ZNF43: variants seen among roughly 807,000 people sequenced by gnomAD.
The protein encoded by ZNF43 is zinc finger protein 39-like 1 (KOX 27).
Under a neutral mutation model 68.4 loss-of-function variants are expected in ZNF43, and 44 were observed. That is an observed-to-expected ratio of 0.64 (90% CI 0.51 to 0.83). ZNF43 has a LOEUF of 0.83. Ranked by LOEUF, ZNF43 falls within the 40% of genes least tolerant of loss-of-function variation. ZNF43 has a pLI of 0.00. For synonymous variants in ZNF43, 308 were observed against 307.8 expected (o/e 1.00, Z -0.01); for missense variants, 896 against 933.2 (o/e 0.96, Z 0.52).
chr19:21,827,137 A>G (rs534943674), intron 1 of ZNF43: 4 of 152,282 alleles, frequency 2.6e-5, no homozygotes, highest in Admixed American at 6.5e-5. Context: ...TCAGCACAAG[A>G]AACATGAGCA....
exon 1 of ZNF43, chr19:21,852,001 G>T (rs1223010881): frequency 2.7e-6 from 4 of 1,501,410 alleles, no homozygotes; most frequent in Admixed American, 2.0e-5. Flanking sequence ...AGTCACCGGG[G>T]ATTCCCGAGT....
At position 21,806,841 on chromosome 19, in the gene ZNF43, A is replaced by T. The variant is rs901368393; in HGVS notation, c.*766T>A. 10 of 152,206 alleles carry T rather than the reference A, an allele frequency of 6.6e-5. No individual in the cohort carries two copies. Among genetic ancestry groups the T allele is most frequent in the Middle Eastern group, 6.3e-3 (2 of 316 alleles). 9.4% of individuals were successfully genotyped at this position (152,206 alleles called of 1,614,324 possible). On this transcript the variant is annotated 3_prime_UTR_variant, in exon 4 of 4. Transcript: ENST00000354959. ...CGCGCCTTAGATATTTCTACTGTGA[A>T]TTCTCAGATATTTACATAAACTTAA...
intron 1 of ZNF43, among the ~76,000 whole-genome samples, chr19:21,828,374 T>C (rs956147324): frequency 6.6e-6 from 1 of 151,932 alleles, no homozygotes; most frequent in African/African-American, 2.4e-5. Context: ...GGTCAGGAGA[T>C]TGAGACCATC....
Position 21,821,984 on chromosome 19 carries a change from G to A in ZNF43, c.4-2763C>T, listed in dbSNP as rs183062216. Among the ~76,000 whole-genome samples the A allele has an allele frequency of 6.0e-4, 92 of 152,300 alleles. 2 individuals are homozygous for A. The highest frequency in any genetic ancestry group is 4.4e-3 in the Admixed American group (67 of 15,294). Reference sequence around the variant, plus strand: ...GAGATTCTCTGGACAAATTACACCTGCATCTTGAGAATATGCCTTTAAAGC... The same window carrying A: ...GAGATTCTCTGGACAAATTACACCTACATCTTGAGAATATGCCTTTAAAGC... On this transcript the variant is annotated intron_variant, in intron 1 of 3. Coordinates refer to ENST00000354959, the MANE Select transcript of ZNF43 (RefSeq NM_003423.4).
At chr19:21,834,335 CAAA>C (rs34305940) in intron 1 of ZNF43, among the ~76,000 whole-genome samples, 6 of 86,446 alleles carry the variant, frequency 6.9e-5, no homozygotes, top group Admixed American at 2.7e-4. Context: ...AACACTGTCT[CAAA>C]AAAAAAAAAA....
At position 21,808,184 on chromosome 19, in the gene ZNF43, C is replaced by A. The variant is rs373142632; in HGVS notation, c.1853G>T (p.Gly618Val). 3 of 1,610,854 alleles carry A rather than the reference C, an allele frequency of 1.9e-6. No homozygotes were observed. In the African/African-American group the frequency reaches 4.0e-5, roughly 22 times the overall value. Residue 618 changes from glycine to valine, a missense_variant, in exon 4 of 4, where the codon GGA (glycine) becomes GTA (valine). Gly to Val is a moderately radical substitution (Grantham distance 109). Transcript: ENST00000354959. ...NLTTHKKIHT[G>V]GKPYKCEECG... ...TTCTTCACATTTGTAGGGTTTTCCT[C>A]CAGTATGAATTTTTTTATGTGTAGT... is the stretch of plus-strand genomic sequence containing the variant.
At chr19:21,843,457 A>T (rs1274665511) in intron 1 of ZNF43, 2 of 877,074 alleles carry the variant, frequency 2.3e-6, no homozygotes, top group African/African-American at 3.6e-5. Context: ...TCCATGCATA[A>T]CAACCTCAAT....
At position 21,811,963 on chromosome 19, in the gene ZNF43, T is replaced by C. The variant is rs2037294918; in HGVS notation, c.230-2156A>G. Reference sequence around the variant, plus strand: ...TTTCTTAGACACAACCTTAAATGCATGAACAGCAAAGAAAAGAACAGAAAA... The same window carrying C: ...TTTCTTAGACACAACCTTAAATGCACGAACAGCAAAGAAAAGAACAGAAAA... On this transcript the variant is annotated intron_variant, in intron 3 of 3. Coordinates refer to ENST00000354959, the MANE Select transcript of ZNF43 (RefSeq NM_003423.4). The C allele has an allele frequency of 3.8e-5, 15 of 397,268 alleles. No homozygotes were observed. The Admixed American group carries it at 6.2e-4, about 16-fold the overall frequency. 24.6% of individuals were successfully genotyped at this position (397,268 alleles called of 1,614,324 possible).
chr19:21,809,487 A>G lies in ZNF43; in HGVS notation c.550T>C (p.Cys184Arg). ...FKCKECGKSF[C>R]MLPHLAQHKI... The stretch of plus-strand genomic sequence containing the variant: ...TGTTGAGCTAGATGTGGAAGCATGC[A>G]AAATGATTTGCCACATTCTTTGCAT... The change falls in exon 4 of 4, where the codon TGC becomes CGC. Residue 184 changes from cysteine to arginine, a missense_variant. By Grantham distance (180) the Cys-to-Arg change is radical (BLOSUM62 -3). Transcript: ENST00000354959. The G allele has an allele frequency of 6.2e-7, 1 of 1,613,760 alleles. No individual in the cohort carries two copies.
upstream of ZNF43, among the ~76,000 whole-genome samples, chr19:21,836,372 G>A (rs1193808619): frequency 6.6e-6 from 1 of 152,336 alleles, no homozygotes; most frequent in Admixed American, 6.5e-5. Context: ...GCCTTTTCAG[G>A]CAGGGCTTCC....
intron 1 of ZNF43, among the ~76,000 whole-genome samples, chr19:21,829,186 T>C (rs2038303231): frequency 6.6e-6 from 1 of 151,544 alleles, no homozygotes; most frequent in Non-Finnish European, 1.5e-5. Flanking sequence ...ATCGTGCCAC[T>C]GCACTCGAGC....
chr19:21,836,062 G>A lies in ZNF43; in HGVS notation c.-24C>T. Reference sequence around the variant, plus strand: ...ATTTCTAGGCTTCCGGGGGGTCCTGGCGTCTTAGCTGTGGATCCCCCAATA... The same window carrying A: ...ATTTCTAGGCTTCCGGGGGGTCCTGACGTCTTAGCTGTGGATCCCCCAATA... On this transcript the variant is annotated 5_prime_UTR_variant, in exon 1 of 4. Transcript: ENST00000354959. The A allele has an allele frequency of 6.2e-7, 1 of 1,613,928 alleles. No homozygotes were observed. Among genetic ancestry groups the A allele is most frequent in the Non-Finnish European group, 8.5e-7 (1 of 1,179,832 alleles).
chr19:21,811,751 G>A (rs1218442516), intron 3 of ZNF43, among the ~76,000 whole-genome samples: 1 of 151,944 alleles, frequency 6.6e-6, no homozygotes, highest in African/African-American at 2.4e-5. Context: ...CCATGAGGAA[G>A]CAATAGAAAA....
At chr19:21,847,030 T>A (rs1599551273) in intron 1 of ZNF43, among the ~76,000 whole-genome samples, 1 of 152,180 alleles carries the variant, frequency 6.6e-6, no homozygotes, top group African/African-American at 2.4e-5. Flanking sequence ...AATGTTCCTG[T>A]AAGCAGGGAC....
At chr19:21,846,850 T>G (rs1020355424) in intron 1 of ZNF43, among the ~76,000 whole-genome samples, 4 of 152,206 alleles carry the variant, frequency 2.6e-5, no homozygotes, top group African/African-American at 7.2e-5. Context: ...TTATATCACC[T>G]GGCTGTTGGA....
intron 3 of ZNF43, among the ~76,000 whole-genome samples, chr19:21,812,821 G>T (rs1466134624): frequency 2.0e-5 from 3 of 151,868 alleles, no homozygotes; most frequent in African/African-American, 7.3e-5. Context: ...CATAGTGGTG[G>T]GTGCCTGTAA....
At chr19:21,825,284 T>C (rs945433391) in intron 1 of ZNF43, among the ~76,000 whole-genome samples, 1 of 152,130 alleles carries the variant, frequency 6.6e-6, no homozygotes. Context: ...GGAAGTCTTA[T>C]TTATTTACAG....
chr19:21,845,939 A>G (rs2145417409), intron 1 of ZNF43, among the ~76,000 whole-genome samples: 1 of 150,758 alleles, frequency 6.6e-6, no homozygotes, highest in East Asian at 2.0e-4. Context: ...GAAGAGTCCC[A>G]TCATGTAGGT....
At chr19:21,815,189 CA>C (rs34985754) in intron 3 of ZNF43, among the ~76,000 whole-genome samples, 24,975 of 129,614 alleles carry the variant, frequency 0.19, 2,321 homozygotes, top group Non-Finnish European at 0.25. Flanking sequence ...AACTCCATTT[CA>C]AAAAAAAAAA....
Sources: gnomAD v4.1 joint callset for allele counts (sites outside exome capture counted in the v4.1 genomes callset) on GRCh38, gnomAD v4.1.1 for gene constraint, MANE v1.5 for transcripts, NCBI Gene and HGNC (gene_info 2026-07-23, HGNC 2026-07-21) for gene names.